PCNX1: variants seen among roughly 807,000 people sequenced by gnomAD.
PCNX1 encodes pecanex-like protein 1.
A neutral mutation model predicts 242.2 loss-of-function variants in PCNX1; 78 were observed. The observed-to-expected ratio is 0.32, with a 90% confidence interval of 0.27 to 0.39. The LOEUF (loss-of-function observed/expected upper bound fraction) is 0.39. Ranked by LOEUF, PCNX1 falls within the 10% of genes least tolerant of loss-of-function variation. The pLI is 1.00. For synonymous variants in PCNX1, 1,024 were observed against 1,032.9 expected, an observed-to-expected ratio of 0.99 and a Z score of 0.17; for missense variants, 2,581 against 2,856.5, an observed-to-expected ratio of 0.90 and a Z score of 2.20.
intron 1 of PCNX1, among the ~76,000 whole-genome samples, chr14:70,930,320 T>C (rs2056748188): frequency 6.6e-6 from 1 of 152,102 alleles, no homozygotes; most frequent in Non-Finnish European, 1.5e-5. Flanking sequence ...TTCATATGGA[T>C]CAAGCTGCTC....
intron 13 of PCNX1, among the ~76,000 whole-genome samples, chr14:71,024,951 A>G (rs547336487): frequency 1.8e-4 from 27 of 152,304 alleles, no homozygotes; most frequent in Non-Finnish European, 2.4e-4. Flanking sequence ...AATACTTAAA[A>G]TAAATAAATA....
chr14:70,966,617 A>G (rs1046487869), intron 3 of PCNX1, among the ~76,000 whole-genome samples: 3 of 152,216 alleles, frequency 2.0e-5, no homozygotes, highest in Non-Finnish European at 2.9e-5. Context: ...TACTTCTCAT[A>G]TATCAGAAGG....
At chr14:70,945,707 A>C (rs1025604656) in intron 1 of PCNX1, among the ~76,000 whole-genome samples, 2 of 151,144 alleles carry the variant, frequency 1.3e-5, no homozygotes, top group Non-Finnish European at 2.9e-5. Flanking sequence ...TCACTGTGTC[A>C]CCCAGGCTGG....
At chr14:71,091,293 C>T (rs1267345945) in intron 30 of PCNX1, among the ~76,000 whole-genome samples, 4 of 152,164 alleles carry the variant, frequency 2.6e-5, no homozygotes, top group Non-Finnish European at 4.4e-5. Context: ...TCAGTACTCA[C>T]CATTGCCAAA....
chr14:71,086,937 AG>A (rs921829341), intron 28 of PCNX1, among the ~76,000 whole-genome samples: 1 of 152,080 alleles, frequency 6.6e-6, no homozygotes, highest in South Asian at 2.1e-4. Flanking sequence ...TGTTTCAGCT[AG>A]GGGGGTAAAT....
chr14:71,088,253 G>T lies in PCNX1; in HGVS notation c.5338-77G>T, dbSNP rs369995649. ...TACTCTTTGAATTCTTTATCATTTC[G>T]CTATATTATTTCGATTTATGATTTG... On this transcript the variant is annotated intron_variant, in intron 28 of 35. Coordinates refer to ENST00000304743, the MANE Select transcript of PCNX1 (RefSeq NM_014982.3). 2,394 of 730,716 alleles carry T rather than the reference G, an allele frequency of 3.3e-3. 71 individuals are homozygous for T. In the South Asian group the frequency reaches 0.041, roughly 12 times the overall value. 45.3% of individuals were successfully genotyped at this position (730,716 alleles called of 1,614,324 possible). A position where few individuals can be genotyped will look rare whatever the true frequency, so the allele number is the denominator to read the frequency against.
intron 2 of PCNX1, among the ~76,000 whole-genome samples, chr14:70,951,890 C>T (rs1426335844): frequency 6.6e-6 from 1 of 152,036 alleles, no homozygotes; most frequent in Non-Finnish European, 1.5e-5. Flanking sequence ...TCTTTTATGT[C>T]TTATAACCTT....
rs1186387455 is a variant in PCNX1 at position 71,076,383 on chromosome 14, C to T, written c.5301C>T (p.Leu1767=). ...GGGAGAGTTTCTGTGTGATTTACCT[C>T]AACTGGATAGAGTACTGCTCTTCCC... ...ISRESFCVIY[L]NWIEYCSSRR... The change falls in exon 28 of 36, where the codon CTC becomes CTT. Residue 1767 remains leucine (L), a synonymous_variant. Transcript: ENST00000304743. 3 of 1,611,232 alleles carry T rather than the reference C, an allele frequency of 1.9e-6. No individual in the cohort carries two copies. The highest frequency in any genetic ancestry group is 1.7e-5 in the Admixed American group (1 of 59,988).
intron 32 of PCNX1, among the ~76,000 whole-genome samples, chr14:71,104,183 T>A (rs1181121823): frequency 6.6e-6 from 1 of 152,226 alleles, no homozygotes; most frequent in Non-Finnish European, 1.5e-5. Context: ...TCACATGATT[T>A]TTTTTCTCTG....
rs116789270 is a variant in PCNX1 at position 71,053,276 on chromosome 14, C to G, written c.4577+1264C>G. ...ATACTCTTTTTTTTTCTTTTCTTTTCTTTTTCTTTTTTTGAGACAGAGTTT... is the reference window on the plus strand; with the variant it reads ...ATACTCTTTTTTTTTCTTTTCTTTTGTTTTTCTTTTTTTGAGACAGAGTTT... On this transcript the variant is annotated intron_variant, in intron 24 of 35. Coordinates refer to ENST00000304743, the MANE Select transcript of PCNX1 (RefSeq NM_014982.3). The G allele has an allele frequency of 3.7e-3, 1,653 of 447,546 alleles. 14 individuals are homozygous for G. Among genetic ancestry groups the G allele is most frequent in the African/African-American group, 0.03 (1,476 of 48,980 alleles). The allele number at this position is 447,546 out of a possible 1,614,324, so 27.7% of individuals were successfully genotyped here.
intron 1 of PCNX1, among the ~76,000 whole-genome samples, chr14:70,924,231 C>CAAA (rs60333920): frequency 4.1e-5 from 4 of 97,998 alleles, no homozygotes; most frequent in Admixed American, 1.1e-4. Flanking sequence ...GAGACTGTCT[C>CAAA]AAAAAAAAAA....
chr14:71,013,090 C>G lies in PCNX1; in HGVS notation c.2884C>G (p.Pro962Ala), dbSNP rs201703026. 6.2e-7 allele frequency: 1 copy of G among 1,613,970 alleles called. No individual in the cohort carries two copies. Among genetic ancestry groups the G allele is most frequent in the Non-Finnish European group, 8.5e-7 (1 of 1,179,894 alleles). ...LSPDLAATYG[P>A]TEEAAQKVKH... ...CCCTGACTTGGCAGCTACTTACGGC[C>G]CAACAGAAGAAGCTGCCCAAAAGGT... The change falls in exon 11 of 36, where the codon CCA (proline) becomes GCA (alanine). Residue 962 changes from proline (P) to alanine (A), a missense_variant. This residue lies in a region of PCNX1 where 1,204 missense variants were observed against 1,216.7 expected (regional missense o/e 0.99). Coordinates refer to ENST00000304743, the MANE Select transcript of PCNX1 (RefSeq NM_014982.3).
intron 23 of PCNX1, among the ~76,000 whole-genome samples, chr14:71,050,969 G>A (rs2061011624): frequency 6.6e-6 from 1 of 151,960 alleles, no homozygotes; most frequent in Non-Finnish European, 1.5e-5. Context: ...GGGAGTTTGA[G>A]ACCAGCCTGA....
chr14:70,982,787 C>T (rs1432074401), intron 6 of PCNX1, among the ~76,000 whole-genome samples: 1 of 152,158 alleles, frequency 6.6e-6, no homozygotes, highest in African/African-American at 2.4e-5. Context: ...TTCTTTCTCT[C>T]AGCAGTGAAG....
intron 27 of PCNX1, among the ~76,000 whole-genome samples, chr14:71,075,767 G>A (rs1003968101): frequency 1.3e-4 from 20 of 151,880 alleles, no homozygotes; most frequent in African/African-American, 4.1e-4. Context: ...GTGTGGTGGC[G>A]GGCACCTGTA....
At chr14:71,087,714 AAGATTTTCT>A (rs1255111799) in intron 28 of PCNX1, among the ~76,000 whole-genome samples, 1 of 152,186 alleles carries the variant, frequency 6.6e-6, no homozygotes, top group Admixed American at 6.6e-5. Flanking sequence ...AGATGCTACC[AAGATTTTCT>A]TTAGTATTAT....
Position 70,959,336 on chromosome 14 carries a change from G to C in PCNX1, c.363-2890G>C, listed in dbSNP as rs185001979. On this transcript the variant is annotated intron_variant, in intron 2 of 35. Transcript: ENST00000304743. ...GCTGGTGAGCTGCACCCATTAACTC[G>C]TCATTTAGCATTAGGTATATCTTCT... Among the ~76,000 whole-genome samples the C allele has an allele frequency of 8.3e-3, 1,229 of 147,996 alleles. 12 individuals carry two copies. The highest frequency in any genetic ancestry group is 0.012 in the Non-Finnish European group (822 of 67,198).
chr14:70,985,465 C>T (rs1227871727), intron 6 of PCNX1, among the ~76,000 whole-genome samples: 1 of 152,174 alleles, frequency 6.6e-6, no homozygotes, highest in Non-Finnish European at 1.5e-5. Flanking sequence ...CCACCCACCT[C>T]GGCCTCCCAA....
Position 70,978,272 on chromosome 14 carries a change from C to A in PCNX1, c.1935C>A (p.Thr645=), listed in dbSNP as rs746285316. 8.7e-6 allele frequency: 14 copies of A among 1,613,946 alleles called. No individual in the cohort carries two copies. In the East Asian group the frequency reaches 2.9e-4, roughly 33 times the overall value. ...AGGGCAGATACAGTGCTCTAAAGAC[C>A]AAACACACTCATAAAGAAAGGGGCA... ...SPEGRYSALK[T]KHTHKERGTD... is the part of the protein sequence containing the mutation. The change falls in exon 6 of 36, where the codon ACC becomes ACA. Residue 645 remains threonine, a synonymous_variant. Transcript: ENST00000304743.
Sources: allele counts gnomAD v4.1 joint callset (sites outside exome capture counted in the v4.1 genomes callset), GRCh38; gene constraint gnomAD v4.1.1; regional missense constraint gnomAD v4.1.1; transcripts MANE v1.5; gene names NCBI Gene and HGNC (gene_info 2026-07-23, HGNC 2026-07-21).